CAND1: variants seen among roughly 807,000 people sequenced by gnomAD.
CAND1 encodes cullin-associated NEDD8-dissociated protein 1.
Under a neutral mutation model 108.5 loss-of-function variants are expected in CAND1, and 7 were observed. The ratio of observed to expected loss-of-function variants is 0.06; its 90% confidence interval spans 0.04 to 0.12. CAND1 has a LOEUF of 0.12. CAND1 is among the 10% of genes least tolerant of loss of function. The probability of loss-of-function intolerance (pLI) is 1.00; values close to 1 mark genes in which losing one functional copy is unlikely to be tolerated. For missense variants in CAND1, 941 were observed against 1,448.7 expected, an observed-to-expected ratio of 0.65 and a Z score of 5.69; for synonymous variants, 534 against 512.0, an observed-to-expected ratio of 1.04 and a Z score of -0.58.
chr12:67,269,502 C>G lies in CAND1; in HGVS notation c.-216C>G. The G allele has an allele frequency of 1.8e-6, 1 of 542,706 alleles. No individual in the cohort carries two copies. The highest frequency in any genetic ancestry group is 3.2e-6 in the Non-Finnish European group (1 of 312,500). The allele number at this position is 542,706 out of a possible 1,614,324, so 33.6% of individuals were successfully genotyped here. A position where few individuals can be genotyped will look rare whatever the true frequency, so the allele number is the denominator to read the frequency against. ...GAACAGCGCCGTCGTTAGGCTGGCT[C>G]TGTAGCCTCGGCTTACCCCGGGACA... On this transcript the variant is annotated 5_prime_UTR_variant, in exon 1 of 15. Transcript: ENST00000545606.
In CAND1 at chr12:67,305,573, T is replaced by G; in HGVS notation, c.1905T>G (p.Ile635Met). ...CTACAGTAAAGGCATTGACACTGAT[T>G]GCTGGGTCACCTTTGAAGATAGATT... ...RLTTVKALTL[I>M]AGSPLKIDLR... Residue 635 changes from isoleucine (I) to methionine (M), a missense_variant, in exon 10 of 15, where the codon ATT becomes ATG. Physicochemically the swap from Ile to Met is conservative, Grantham distance 10 (BLOSUM62 1). Around this residue, in one of 9 missense-constraint regions of CAND1, gnomAD observed 697 missense variants for 942.0 expected, o/e 0.74. Coordinates refer to ENST00000545606, the MANE Select transcript of CAND1 (RefSeq NM_018448.5). The surrounding 1 kb of genome is among the most constrained non-coding windows in gnomAD (Gnocchi z 4.4). 1.2e-6 allele frequency: 2 copies of G among 1,614,176 alleles called. No homozygotes were observed. The highest frequency in any genetic ancestry group is 1.7e-6 in the Non-Finnish European group (2 of 1,180,012).
rs181559191 is a variant in CAND1 at position 67,319,063 on chromosome 12, C to T, written c.*6233C>T. The T allele has an allele frequency of 1.1e-4, 17 of 152,308 alleles. No homozygotes were observed. Among genetic ancestry groups the T allele is most frequent in the Non-Finnish European group, 2.4e-4 (16 of 68,040 alleles). 9.4% of individuals were successfully genotyped at this position (152,308 alleles called of 1,614,324 possible). A position where few individuals can be genotyped will look rare whatever the true frequency, so the allele number is the denominator to read the frequency against. ...CAGTAATTTGTATTTCTATGACGTT[C>T]CCAGGTTCTAATGCTGTTCCCCAAG... On this transcript the variant is annotated 3_prime_UTR_variant, in exon 15 of 15. Transcript: ENST00000545606.
rs1406720325 is a variant in CAND1, at chr12:67,313,800, A to G, written c.*970A>G. On this transcript the variant is annotated 3_prime_UTR_variant, in exon 15 of 15. Coordinates refer to ENST00000545606, the MANE Select transcript of CAND1 (RefSeq NM_018448.5). ...GGATGTCTACATTCCTTATCAAAGGATATAAATACTGTGTATGCTTTTGAA... is the reference window on the plus strand; with the variant it reads ...GGATGTCTACATTCCTTATCAAAGGGTATAAATACTGTGTATGCTTTTGAA... 6.6e-6 allele frequency: 1 copy of G among 152,582 alleles called. No individual in the cohort carries two copies. The highest frequency in any genetic ancestry group is 1.5e-5 in the Non-Finnish European group (1 of 68,006). 9.5% of individuals were successfully genotyped at this position (152,582 alleles called of 1,614,324 possible).
rs749123913 is a variant in CAND1, at chr12:67,302,620, GT to G, written c.1293+9del. The G allele has an allele frequency of 8.8e-6, 14 of 1,597,794 alleles. No individual in the cohort carries two copies. The highest frequency in any genetic ancestry group is 1.3e-5 in the African/African-American group (1 of 74,354). Reference sequence around the variant, plus strand: ...TTAACAATGCTTCAGAGTCAGGTGGGTTTTAAAGTAAAGTTTAGAAAATCAT... The same window carrying G: ...TTAACAATGCTTCAGAGTCAGGTGGGTTTAAAGTAAAGTTTAGAAAATCAT... On this transcript the variant is annotated splice_donor_region_variant and intron_variant, in intron 8 of 14. Coordinates refer to ENST00000545606, the MANE Select transcript of CAND1 (RefSeq NM_018448.5).
chr12:67,278,708 AG>A (rs1364730539), intron 1 of CAND1, among the ~76,000 whole-genome samples: 1 of 149,920 alleles, frequency 6.7e-6, no homozygotes, highest in Non-Finnish European at 1.5e-5. Flanking sequence ...TAGTAGAGAC[AG>A]GGTTTCACCA....
rs1402282737 is a variant in CAND1, at chr12:67,304,698, A to T, written c.1387A>T (p.Asn463Tyr). 6.2e-7 allele frequency: 1 copy of T among 1,613,962 alleles called. No homozygotes were observed. The highest frequency in any genetic ancestry group is 8.5e-7 in the Non-Finnish European group (1 of 1,179,932). The change falls in exon 9 of 15, where the codon AAT becomes TAT. Residue 463 changes from asparagine to tyrosine, a missense_variant. This residue lies in a region of CAND1 where 697 missense variants were observed against 942.0 expected (regional missense o/e 0.74). Transcript: ENST00000545606. ...CCFNMLTELV[N>Y]VLPGALTQHI... is the part of the protein sequence containing the mutation. ...TTTTAACATGTTAACTGAGCTGGTA[A>T]ATGTATTACCTGGGGCCCTAACTCA...
Position 67,305,175 on chromosome 12 carries a change from G to A in CAND1, c.1507G>A (p.Val503Ile), listed in dbSNP as rs372979019. The stretch of plus-strand genomic sequence containing the variant: ...GATCGATGCTTTGTCATGTCTATAC[G>A]TAATCCTCTGTAACCATTCTCCTCA... ...LKIDALSCLY[V>I]ILCNHSPQVF... The change falls in exon 10 of 15, where the codon GTA becomes ATA. Residue 503 changes from valine to isoleucine, a missense_variant. By Grantham distance (29) the Val-to-Ile change is conservative. Transcript: ENST00000545606. The surrounding 1 kb of genome is among the most constrained non-coding windows in gnomAD (Gnocchi z 4.4). The A allele has an allele frequency of 4.3e-5, 69 of 1,613,914 alleles. 1 individual carries two copies. In the South Asian group the frequency reaches 4.8e-4, roughly 11 times the overall value.
intron 2 of CAND1, among the ~76,000 whole-genome samples, chr12:67,291,177 G>C (rs942518992): frequency 2.6e-5 from 4 of 152,130 alleles, no homozygotes; most frequent in African/African-American, 9.7e-5. Flanking sequence ...TCAAGAAATG[G>C]TTCAATTGGT....
chr12:67,296,389 A>T (rs2044770075), intron 4 of CAND1, among the ~76,000 whole-genome samples: 1 of 152,202 alleles, frequency 6.6e-6, no homozygotes, highest in African/African-American at 2.4e-5. Context: ...TCCCCCCCTA[A>T]AAAAGCAATA....
At chr12:67,300,393 G>T (rs970328664) in intron 7 of CAND1, among the ~76,000 whole-genome samples, 1 of 152,064 alleles carries the variant, frequency 6.6e-6, no homozygotes, top group African/African-American at 2.4e-5. Flanking sequence ...TGTGAATCCA[G>T]ATTCATATGC....
intron 13 of CAND1, 94 bp from the exon 14 acceptor site, chr12:67,311,599 T>C: frequency 2.2e-6 from 1 of 464,740 alleles, no homozygotes; most frequent in East Asian, 4.5e-5. Flanking sequence ...CTTTGCATGC[T>C]AGTTATTTTC....
At chr12:67,302,659 A>G (rs948163540) in intron 8 of CAND1, 44 bp downstream of exon 8, 4 of 1,523,738 alleles carry the variant, frequency 2.6e-6, no homozygotes, top group Non-Finnish European at 1.8e-6. Flanking sequence ...TAGTAAATGC[A>G]ATGCTTTTAA....
chr12:67,318,458 A>G lies in CAND1; in HGVS notation c.*5628A>G, dbSNP rs982108875. On this transcript the variant is annotated 3_prime_UTR_variant, in exon 15 of 15. Coordinates refer to ENST00000545606, the MANE Select transcript of CAND1 (RefSeq NM_018448.5). ...TGTGAGGATTAAATAGGAACATTGT[A>G]TAAAGCACTTAAAACAGTACCTGGG... The G allele has an allele frequency of 5.3e-5, 8 of 152,362 alleles. No homozygotes were observed. Among genetic ancestry groups the G allele is most frequent in the Admixed American group, 3.3e-4 (5 of 15,304 alleles). The allele number at this position is 152,362 out of a possible 1,614,324, so 9.4% of individuals were successfully genotyped here.
intron 3 of CAND1, 99 bp from the exon 4 acceptor site, chr12:67,294,934 T>G: frequency 8.0e-7 from 1 of 1,244,414 alleles, no homozygotes; most frequent in Non-Finnish European, 1.1e-6. Flanking sequence ...TGTCTCATGA[T>G]CAAGTGTGGA....
intron 3 of CAND1, among the ~76,000 whole-genome samples, chr12:67,294,280 C>G (rs2044748389): frequency 6.6e-6 from 1 of 152,088 alleles, no homozygotes; most frequent in Non-Finnish European, 1.5e-5. Context: ...ACAACATGAC[C>G]TACTGTAAGT....
intron 1 of CAND1, among the ~76,000 whole-genome samples, chr12:67,281,173 T>A (rs182672156): frequency 1.3e-5 from 2 of 151,628 alleles, no homozygotes; most frequent in Admixed American, 1.3e-4. Context: ...ATACTAAAAA[T>A]ACAAAAATTA....
chr12:67,272,139 CATT>C (rs1203111396), intron 1 of CAND1, among the ~76,000 whole-genome samples: 2 of 152,178 alleles, frequency 1.3e-5, no homozygotes, highest in Non-Finnish European at 2.9e-5. Context: ...GCAAGGTTAA[CATT>C]ATGGAATGAC....
chr12:67,284,704 G>A (rs1326279734), intron 2 of CAND1, among the ~76,000 whole-genome samples: 2 of 41,234 alleles, frequency 4.9e-5, no homozygotes, highest in East Asian at 8.4e-4. Flanking sequence ...ACACATGCAT[G>A]TACACACACA....
chr12:67,279,124 A>G (rs2044596756), intron 1 of CAND1, among the ~76,000 whole-genome samples: 1 of 151,642 alleles, frequency 6.6e-6, no homozygotes, highest in Non-Finnish European at 1.5e-5. Context: ...CCACATACTG[A>G]ACTGTTTCCT....
Sources: allele counts gnomAD v4.1 joint callset (sites outside exome capture counted in the v4.1 genomes callset), GRCh38; gene constraint gnomAD v4.1.1; regional missense constraint gnomAD v4.1.1; non-coding constraint Gnocchi (gnomAD v3.1); transcripts MANE v1.5; gene names NCBI Gene and HGNC (gene_info 2026-07-23, HGNC 2026-07-21).